The following NARS1 variants were observed in gnomAD, a reference collection of about 807,000 sequenced individuals.
NARS1 encodes asparaginyl-tRNA synthetase 1, also known as asparagine--tRNA ligase, cytoplasmic.
Under a neutral mutation model 79.2 loss-of-function variants are expected in NARS1, and 65 were observed. That is an observed-to-expected ratio of 0.82 (90% CI 0.67 to 1.01). NARS1 has a LOEUF of 1.01. Among genes scored for constraint, NARS1 ranks in the 50% least tolerant of loss-of-function variants. The pLI is 0.00. For missense variants in NARS1, 649 were observed against 673.8 expected (o/e 0.96, Z 0.41); for synonymous variants, 229 against 238.8 (o/e 0.96, Z 0.38).
In NARS1 at chr18:57,601,791, A is replaced by G. The variant is rs770750467; in HGVS notation, c.1516-8T>C. ...ACATGTACCGTATTTTCTCTGTTTA[A>G]AAAAAGAAAGAAAGAAAGAGGAGTA... On this transcript the variant is annotated splice_polypyrimidine_tract_variant and splice_region_variant and intron_variant, in intron 13 of 13. Coordinates refer to ENST00000256854, the MANE Select transcript of NARS1 (RefSeq NM_004539.4). The G allele has an allele frequency of 1.1e-5, 17 of 1,612,258 alleles. No individual in the cohort carries two copies. Among genetic ancestry groups the G allele is most frequent in the Non-Finnish European group, 4.2e-6 (5 of 1,178,788 alleles).
chr18:57,615,919 T>C lies in NARS1; in HGVS notation c.150A>G (p.Lys50=), dbSNP rs1041636938. The change falls in exon 3 of 14, where the codon AAA becomes AAG. Residue 50 remains lysine, a synonymous_variant. Coordinates refer to ENST00000256854, the MANE Select transcript of NARS1 (RefSeq NM_004539.4). The part of the protein sequence containing the change: ...PFPTIYVDSQ[K]ENERWNVISK... The stretch of plus-strand genomic sequence containing the variant: ...AAATAACATTCCACCTCTCATTTTC[T>C]TTTTGTGAATCTACGTAAATGGTAG... 6.2e-7 allele frequency: 1 copy of C among 1,613,394 alleles called. No homozygotes were observed. Among genetic ancestry groups the C allele is most frequent in the Non-Finnish European group, 8.5e-7 (1 of 1,179,726 alleles).
Position 57,605,963 on chromosome 18 carries a change from T to C in NARS1, c.1145A>G (p.Gln382Arg), listed in dbSNP as rs1251017917. The stretch of plus-strand genomic sequence containing the variant: ...CCGTTTGAAAGGCCGTTTGGGGGGC[T>C]GAAAGTTCTACAGAAGAAAGGAAAA... The part of the protein sequence containing the change: ...SIVHELNPNF[Q>R]PPKRPFKRMN... Residue 382 changes from glutamine (Q) to arginine (R), a missense_variant, in exon 11 of 14, where the codon CAG (glutamine) becomes CGG (arginine). By Grantham distance (43) the Gln-to-Arg change is conservative. Transcript: ENST00000256854. 2 of 1,610,062 alleles carry C rather than the reference T, an allele frequency of 1.2e-6. No individual in the cohort carries two copies. The highest frequency in any genetic ancestry group is 1.7e-6 in the Non-Finnish European group (2 of 1,177,268).
At chr18:57,603,093 G>T in intron 11 of NARS1, 150 bp from the exon 12 acceptor site, 1 of 595,926 alleles carries the variant, frequency 1.7e-6, no homozygotes. Flanking sequence ...TTTGTGTAAA[G>T]AATAATTTCT....
chr18:57,611,075 T>A (rs1450546921), intron 6 of NARS1, among the ~76,000 whole-genome samples: 1 of 150,188 alleles, frequency 6.7e-6, no homozygotes, highest in Non-Finnish European at 1.5e-5. Flanking sequence ...CAAGAGATCC[T>A]CCCACCTCAG....
At chr18:57,602,622 T>C in intron 12 of NARS1, 136 bp from the exon 13 acceptor site, 1 of 1,234,780 alleles carries the variant, frequency 8.1e-7, no homozygotes, top group Non-Finnish European at 1.1e-6. Context: ...TATTCAAATG[T>C]TTACATTTCT....
chr18:57,610,638 C>T (rs1161391963), intron 6 of NARS1, among the ~76,000 whole-genome samples: 1 of 151,930 alleles, frequency 6.6e-6, no homozygotes, highest in Non-Finnish European at 1.5e-5. Context: ...TGCTAAAGGA[C>T]ACCACAAGGA....
At chr18:57,613,736 T>A in intron 4 of NARS1, 56 bp from the exon 5 acceptor site, 5 of 1,402,714 alleles carry the variant, frequency 3.6e-6, no homozygotes, top group Non-Finnish European at 5.0e-6. Flanking sequence ...ACACACCAAC[T>A]TTTTCACTAA....
intron 2 of NARS1, among the ~76,000 whole-genome samples, chr18:57,617,401 T>C (rs1274769671): frequency 6.7e-6 from 1 of 149,990 alleles, no homozygotes; most frequent in African/African-American, 2.5e-5. Flanking sequence ...TGAAACCCCG[T>C]CTCCGCTAAA....
chr18:57,613,301 G>A (rs887828496), intron 5 of NARS1, among the ~76,000 whole-genome samples: 7 of 151,902 alleles, frequency 4.6e-5, no homozygotes, highest in South Asian at 4.2e-4. Context: ...CAGAGCAGAC[G>A]GGCCAACATG....
rs2051520751 is a variant in NARS1 at position 57,602,861 on chromosome 18, T to G, written c.1334A>C (p.Lys445Thr). 4 of 1,614,144 alleles carry G rather than the reference T, an allele frequency of 2.5e-6. No homozygotes were observed. Among genetic ancestry groups the G allele is most frequent in the Non-Finnish European group, 3.4e-6 (4 of 1,179,962 alleles). The change falls in exon 12 of 14, where the codon AAG (lysine) becomes ACG (threonine). Residue 445 changes from lysine to threonine, a missense_variant. Coordinates refer to ENST00000256854, the MANE Select transcript of NARS1 (RefSeq NM_004539.4). ...AGGACATCGCTGCATGTAGAAGGAC[T>G]TGATCTCCACAGGAAATCGACACAG... The part of the protein sequence containing the change: ...ILLCRFPVEI[K>T]SFYMQRCPED...
chr18:57,607,322 T>C lies in NARS1; in HGVS notation c.813A>G (p.Pro271=). 1 of 1,614,110 alleles carries C rather than the reference T, an allele frequency of 6.2e-7. No individual in the cohort carries two copies. Among genetic ancestry groups the C allele is most frequent in the Non-Finnish European group, 8.5e-7 (1 of 1,179,968 alleles). The change falls in exon 9 of 14, where the codon CCA becomes CCG. Residue 271 remains proline (P), a synonymous_variant. Coordinates refer to ENST00000256854, the MANE Select transcript of NARS1 (RefSeq NM_004539.4). ...CTTCTACTTGTGTTTGCACTAATGT[T>C]GGAGGAGTAACCTGTTCAAATGCAA... is the stretch of plus-strand genomic sequence containing the variant. ...FDRGYYEVTP[P]TLVQTQVEGG...
intron 4 of NARS1, among the ~76,000 whole-genome samples, chr18:57,615,055 C>G (rs2051636674): frequency 6.6e-6 from 1 of 152,048 alleles, no homozygotes. Context: ...GTGGTGCATG[C>G]CTGTGGTCCC....
chr18:57,608,391 C>T (rs1251207862), intron 7 of NARS1, among the ~76,000 whole-genome samples: 8 of 138,746 alleles, frequency 5.8e-5, no homozygotes, highest in East Asian at 4.6e-4. Context: ...GAGTGGAGAT[C>T]GCACCACTGC....
Position 57,606,727 on chromosome 18 carries a change from A to G in NARS1, c.1026T>C (p.Cys342=). 1.9e-6 allele frequency: 3 copies of G among 1,614,204 alleles called. No homozygotes were observed. The highest frequency in any genetic ancestry group is 2.5e-6 in the Non-Finnish European group (3 of 1,180,044). ...GGAGGTCGTCAAAAGTCAGGAAAGG[A>G]CACTCAGCTTCCACGTGAGTGTACC... is the stretch of plus-strand genomic sequence containing the variant. The part of the protein sequence containing the change: ...LAEYTHVEAE[C]PFLTFDDLLN... The change falls in exon 10 of 14, where the codon TGT becomes TGC. Residue 342 remains cysteine, a synonymous_variant. Coordinates refer to ENST00000256854, the MANE Select transcript of NARS1 (RefSeq NM_004539.4).
At chr18:57,608,159 C>A (rs1480656335) in intron 7 of NARS1, among the ~76,000 whole-genome samples, 1 of 152,058 alleles carries the variant, frequency 6.6e-6, no homozygotes, top group Non-Finnish European at 1.5e-5. Flanking sequence ...AGCCACCATG[C>A]GCAGCCTGTG....
Position 57,602,926 on chromosome 18 carries a change from A to G in NARS1, c.1269T>C (p.Pro423=). ...TAATGGTGTCTGTCATCAGTCTCTC[A>G]GGAGCTTCTGGGATATCCTGAGGTC... is the stretch of plus-strand genomic sequence containing the variant. ...YEFGEDIPEA[P]ERLMTDTINE... The change falls in exon 12 of 14, where the codon CCT becomes CCC. Residue 423 remains proline (P), a synonymous_variant. Transcript: ENST00000256854. The G allele has an allele frequency of 1.2e-6, 2 of 1,614,092 alleles. No individual in the cohort carries two copies. Among genetic ancestry groups the G allele is most frequent in the Non-Finnish European group, 1.7e-6 (2 of 1,179,974 alleles).
Position 57,602,788 on chromosome 18 carries a change from A to G in NARS1, c.1383+24T>C, listed in dbSNP as rs990361836. On this transcript the variant is annotated intron_variant, in intron 12 of 13. Transcript: ENST00000256854. ...ACCCCCTTAAAAAGCAAAATTATTA[A>G]TACTCTTTGAAACAGAAACTGACAG... 6 of 1,612,578 alleles carry G rather than the reference A, an allele frequency of 3.7e-6. No individual in the cohort carries two copies. The African/African-American group carries it at 5.3e-5, about 14-fold the overall frequency.
intron 11 of NARS1, among the ~76,000 whole-genome samples, chr18:57,605,588 G>A (rs1298269753): frequency 6.8e-6 from 1 of 146,256 alleles, no homozygotes; most frequent in Admixed American, 6.9e-5. Flanking sequence ...CACTCCGTAG[G>A]CGACAGAGCG....
At chr18:57,618,343 G>A (rs542333844) in intron 2 of NARS1, among the ~76,000 whole-genome samples, 2 of 150,634 alleles carry the variant, frequency 1.3e-5, no homozygotes, top group East Asian at 3.9e-4. Context: ...CAAGAGAGAA[G>A]GTCCCATGAA....
Sources: allele counts gnomAD v4.1 joint callset (sites outside exome capture counted in the v4.1 genomes callset), GRCh38; gene constraint gnomAD v4.1.1; transcripts MANE v1.5; gene names NCBI Gene and HGNC (gene_info 2026-07-23, HGNC 2026-07-21).